Variants in RPA1 observed in about 807,000 individuals in gnomAD.
RPA1 encodes replication protein A1, also known as replication protein A 70 kDa DNA-binding subunit.
In RPA1, 49 loss-of-function variants were observed where a neutral mutation model predicts 83.0. The ratio of observed to expected loss-of-function variants is 0.59; its 90% confidence interval spans 0.47 to 0.75. The LOEUF (loss-of-function observed/expected upper bound fraction) is 0.75. Ranked by LOEUF, RPA1 falls within the 30% of genes least tolerant of loss-of-function variation. The pLI, the probability that RPA1 is intolerant of heterozygous loss-of-function variation, is 0.00. For synonymous variants in RPA1, 279 were observed against 281.8 expected (o/e 0.99, Z 0.10); for missense variants, 693 against 776.1 (o/e 0.89, Z 1.27).
At chr17:1,845,088 C>T (rs1912205386) in intron 4 of RPA1, among the ~76,000 whole-genome samples, 1 of 151,854 alleles carries the variant, frequency 6.6e-6, no homozygotes, top group South Asian at 2.1e-4. Flanking sequence ...CATGCCCGGC[C>T]TCAAAAGTAT....
At chr17:1,879,815 A>C in intron 11 of RPA1, 116 bp downstream of exon 11, 1 of 1,318,422 alleles carries the variant, frequency 7.6e-7, no homozygotes, top group Non-Finnish European at 1.1e-6. Flanking sequence ...GAGTTGGGGG[A>C]GGGAGTGGTC....
intron 9 of RPA1, 37 bp downstream of exon 9, chr17:1,879,098 G>T (rs1913674407): frequency 6.2e-6 from 10 of 1,613,108 alleles, no homozygotes; most frequent in Non-Finnish European, 8.5e-6. Flanking sequence ...ACACCGCCTG[G>T]GGGTGGAGTG....
At chr17:1,839,955 A>C (rs959746712) in intron 1 of RPA1, among the ~76,000 whole-genome samples, 7 of 149,178 alleles carry the variant, frequency 4.7e-5, no homozygotes, top group African/African-American at 1.7e-4. Flanking sequence ...ACCACACCCA[A>C]CTACTTTTTG....
At chr17:1,872,708 C>CTTTTTTT (rs34892322) in intron 6 of RPA1, among the ~76,000 whole-genome samples, 182 bp downstream of exon 6, 1 of 113,052 alleles carries the variant, frequency 8.8e-6, no homozygotes, top group Non-Finnish European at 1.8e-5. Flanking sequence ...TAAAGATTGT[C>CTTTTTTT]TTTTTTTTTT....
chr17:1,832,346 C>T (rs11655454), intron 1 of RPA1, among the ~76,000 whole-genome samples: 31,067 of 151,910 alleles, frequency 0.2, 3,357 homozygotes, highest in Admixed American at 0.24. Context: ...AGGCTAAATC[C>T]CTTTGAGACC....
At chr17:1,832,661 A>C (rs563486994) in intron 1 of RPA1, among the ~76,000 whole-genome samples, 1 of 152,218 alleles carries the variant, frequency 6.6e-6, no homozygotes, top group Non-Finnish European at 1.5e-5. Flanking sequence ...TGCTGGGATT[A>C]CAGGCGTGAG....
chr17:1,881,641 G>A (rs888349134), intron 12 of RPA1, among the ~76,000 whole-genome samples: 2 of 152,144 alleles, frequency 1.3e-5, no homozygotes, highest in African/African-American at 4.8e-5. Flanking sequence ...TCGACTCCAG[G>A]TTAATTGCAT....
At chr17:1,869,367 T>C (rs1913296256) in intron 5 of RPA1, among the ~76,000 whole-genome samples, 1 of 152,084 alleles carries the variant, frequency 6.6e-6, no homozygotes, top group Admixed American at 6.5e-5. Flanking sequence ...TGAAACCCTG[T>C]CTCTACTAAA....
intron 1 of RPA1, 126 bp downstream of exon 1, chr17:1,830,252 G>T: frequency 1.5e-6 from 1 of 663,408 alleles, no homozygotes; most frequent in Non-Finnish European, 2.1e-6. Flanking sequence ...GATGGCGGGG[G>T]GCGGTGGGGA....
At chr17:1,883,307 G>C (rs1038601744) in intron 12 of RPA1, among the ~76,000 whole-genome samples, 1 of 152,076 alleles carries the variant, frequency 6.6e-6, no homozygotes, top group Non-Finnish European at 1.5e-5. Flanking sequence ...GGGATTACAG[G>C]CACCCACCAC....
intron 4 of RPA1, among the ~76,000 whole-genome samples, chr17:1,852,133 G>A (rs1912517637): frequency 6.6e-6 from 1 of 152,120 alleles, no homozygotes; most frequent in African/African-American, 2.4e-5. Context: ...TTAAAATGCA[G>A]ACATTGTGAT....
intron 5 of RPA1, among the ~76,000 whole-genome samples, chr17:1,871,784 T>C (rs1162306767): frequency 6.6e-6 from 1 of 152,176 alleles, no homozygotes; most frequent in East Asian, 1.9e-4. Flanking sequence ...TTAATCTTCC[T>C]GTTTCCTTGA....
At chr17:1,895,421 G>A (rs961048505) in intron 16 of RPA1, among the ~76,000 whole-genome samples, 1 of 151,114 alleles carries the variant, frequency 6.6e-6, no homozygotes, top group Non-Finnish European at 1.5e-5. Flanking sequence ...AACGCATGCA[G>A]TAGAGTCATA....
At position 1,898,323 on chromosome 17, in the gene RPA1, C is replaced by T. The variant is rs546448331; in HGVS notation, c.*1148C>T. Reference sequence around the variant, plus strand: ...ACTTGGGATTTTATTGATGTTTACGCAGCAGTCTAACACCAACCACGCTTT... The same window carrying T: ...ACTTGGGATTTTATTGATGTTTACGTAGCAGTCTAACACCAACCACGCTTT... On this transcript the variant is annotated 3_prime_UTR_variant, in exon 17 of 17. Transcript: ENST00000254719. 2.6e-5 allele frequency: 4 copies of T among 152,296 alleles called. No individual in the cohort carries two copies. Among genetic ancestry groups the T allele is most frequent in the Non-Finnish European group, 4.4e-5 (3 of 68,040 alleles). The allele number at this position is 152,296 out of a possible 1,614,324, so 9.4% of individuals were successfully genotyped here.
At chr17:1,890,625 T>C (rs932793545) in intron 14 of RPA1, among the ~76,000 whole-genome samples, 3 of 152,212 alleles carry the variant, frequency 2.0e-5, no homozygotes, top group South Asian at 2.1e-4. Flanking sequence ...ATCGCGCCAC[T>C]GCATTCCAGC....
At position 1,897,562 on chromosome 17, in the gene RPA1, T is replaced by G; in HGVS notation, c.*387T>G. ...CTCCAGTGGTGACCACCCCCCCCCA[T>G]CCCCGCTCACAACTTGGGTTCTTCT... On this transcript the variant is annotated 3_prime_UTR_variant, in exon 17 of 17. Coordinates refer to ENST00000254719, the MANE Select transcript of RPA1 (RefSeq NM_002945.5). The G allele has an allele frequency of 6.2e-6, 1 of 162,318 alleles. No homozygotes were observed. Among genetic ancestry groups the G allele is most frequent in the African/African-American group, 2.4e-5 (1 of 41,210 alleles). 10.1% of individuals were successfully genotyped at this position (162,318 alleles called of 1,614,324 possible).
At chr17:1,873,056 C>G (rs1320417244) in intron 6 of RPA1, among the ~76,000 whole-genome samples, 1 of 152,118 alleles carries the variant, frequency 6.6e-6, no homozygotes, top group Non-Finnish European at 1.5e-5. Context: ...AGTAGTTGAC[C>G]AAGTAGTTTC....
intron 5 of RPA1, among the ~76,000 whole-genome samples, chr17:1,864,182 A>G (rs760974583): frequency 5.3e-5 from 8 of 152,206 alleles, no homozygotes; most frequent in Admixed American, 3.3e-4. Flanking sequence ...GCTGCTCCCA[A>G]TAGACAAAGG....
At chr17:1,833,853 GAA>G in intron 1 of RPA1, among the ~76,000 whole-genome samples, 1 of 149,316 alleles carries the variant, frequency 6.7e-6, no homozygotes, top group East Asian at 2.0e-4. Flanking sequence ...CATCTCAAAA[GAA>G]AAAAAGAAAA....
Sources: allele counts gnomAD v4.1 joint callset (sites outside exome capture counted in the v4.1 genomes callset), GRCh38; gene constraint gnomAD v4.1.1; transcripts MANE v1.5; gene names NCBI Gene and HGNC (gene_info 2026-07-23, HGNC 2026-07-21).